The following PXT1 variants were observed in gnomAD, a reference collection of about 807,000 sequenced individuals.
PXT1 encodes peroxisomal testis-specific protein 1.
PXT1 carries 11 observed loss-of-function variants against 11.0 expected under a neutral mutation model. The observed-to-expected ratio is 1.00, with a 90% CI of 0.63 to 1.66. The LOEUF is 1.66. Ranked by LOEUF, PXT1 falls within the 40% of genes most tolerant of loss-of-function variation. The pLI, the probability that PXT1 is intolerant of heterozygous loss-of-function variation, is 0.00. For missense variants in PXT1, 141 were observed against 155.5 expected (o/e 0.91, Z 0.49); for synonymous variants, 43 against 51.4 (o/e 0.84, Z 0.70).
At chr6:36,436,355 A>C (rs1306559634) in intron 2 of PXT1, among the ~76,000 whole-genome samples, 1 of 152,222 alleles carries the variant, frequency 6.6e-6, no homozygotes, top group Non-Finnish European at 1.5e-5. Context: ...CACTGTAGTA[A>C]TTCAATAATC....
chr6:36,399,181 T>C (rs1311995572), intron 4 of PXT1, among the ~76,000 whole-genome samples: 1 of 152,014 alleles, frequency 6.6e-6, no homozygotes, highest in Admixed American at 6.6e-5. Flanking sequence ...AGTCTCACTC[T>C]GTCATCCAGA....
intron 3 of PXT1, among the ~76,000 whole-genome samples, chr6:36,418,079 C>T (rs1451864243): frequency 6.6e-6 from 1 of 151,966 alleles, no homozygotes; most frequent in African/African-American, 2.4e-5. Flanking sequence ...GCCTGTGGTC[C>T]CAGCTACTTG....
At chr6:36,409,969 AAAG>A (rs1266009107) in intron 3 of PXT1, among the ~76,000 whole-genome samples, 3,716 of 131,204 alleles carry the variant, frequency 0.028, 141 homozygotes, top group African/African-American at 0.098. Context: ...GAAAGAGAAA[AAAG>A]AAAGAAAGAA....
intron 3 of PXT1, among the ~76,000 whole-genome samples, chr6:36,423,657 C>T (rs1322889189): frequency 6.6e-6 from 1 of 152,194 alleles, no homozygotes; most frequent in African/African-American, 2.4e-5. Flanking sequence ...CCTCACACCG[C>T]CCCCTCATTC....
intron 3 of PXT1, among the ~76,000 whole-genome samples, chr6:36,412,162 G>T (rs1198536744): frequency 6.6e-6 from 1 of 151,708 alleles, no homozygotes; most frequent in Non-Finnish European, 1.5e-5. Flanking sequence ...GACCAGCCTG[G>T]CCAACATGGT....
At chr6:36,408,876 C>CA (rs61307954) in intron 3 of PXT1, among the ~76,000 whole-genome samples, 4,686 of 144,594 alleles carry the variant, frequency 0.032, 186 homozygotes, top group African/African-American at 0.097. Flanking sequence ...GACCATGTTT[C>CA]AAAAAAAAAA....
chr6:36,425,347 A>G lies in PXT1; in HGVS notation c.169+567T>C, dbSNP rs543113793. 3.3e-5 allele frequency among the ~76,000 whole-genome samples: 5 copies of G among 152,328 alleles called. No individual in the cohort carries two copies. In the South Asian group the frequency reaches 1.0e-3, roughly 32 times the overall value. On this transcript the variant is annotated intron_variant, in intron 3 of 4. Transcript: ENST00000454782. The stretch of plus-strand genomic sequence containing the variant: ...TTTGATCTATTTTAGCCCATTTGGG[A>G]TTACCTTAATTGGTCGTCACAGCAA...
intron 3 of PXT1, among the ~76,000 whole-genome samples, chr6:36,416,532 G>T (rs1774449149): frequency 6.6e-6 from 1 of 152,166 alleles, no homozygotes; most frequent in South Asian, 2.1e-4. Context: ...CTATCCTTCT[G>T]TAGGAAATGG....
At chr6:36,425,857 G>C in intron 3 of PXT1, 57 bp downstream of exon 3, 1 of 1,141,468 alleles carries the variant, frequency 8.8e-7, no homozygotes, top group Non-Finnish European at 1.2e-6. Context: ...GGTCTTAATA[G>C]CAAGAAAAAC....
chr6:36,424,796 T>C (rs1582266949), intron 3 of PXT1, among the ~76,000 whole-genome samples: 1 of 151,094 alleles, frequency 6.6e-6, no homozygotes, highest in African/African-American at 2.4e-5. Flanking sequence ...AGGTCAGGAG[T>C]CCAGCCTGGC....
chr6:36,419,249 G>A (rs1307953701), intron 3 of PXT1, among the ~76,000 whole-genome samples: 1 of 152,198 alleles, frequency 6.6e-6, no homozygotes, highest in Non-Finnish European at 1.5e-5. Context: ...AGGCCTGCCT[G>A]TGCCAATCAA....
intron 3 of PXT1, among the ~76,000 whole-genome samples, chr6:36,400,921 G>A (rs1210790777): frequency 6.6e-6 from 1 of 151,818 alleles, no homozygotes; most frequent in Non-Finnish European, 1.5e-5. Flanking sequence ...AGTGAGCCAA[G>A]ATTGCACCAT....
rs914221892 is a variant in PXT1 at position 36,438,779 on chromosome 6, G to C, written c.-22C>G. On this transcript the variant is annotated 5_prime_UTR_variant, in exon 2 of 5. Coordinates refer to ENST00000454782, the MANE Select transcript of PXT1 (RefSeq NM_152990.4). ...AGTTCAGACTTACTTTTCCAAGTAT[G>C]TTGAGCCCTCTTTATTTTCTGTATT... is the stretch of plus-strand genomic sequence containing the variant. The C allele has an allele frequency of 6.6e-6, 1 of 152,128 alleles. No individual in the cohort carries two copies. Among genetic ancestry groups the C allele is most frequent in the African/African-American group, 2.4e-5 (1 of 41,420 alleles). The allele number at this position is 152,128 out of a possible 1,614,324, so 9.4% of individuals were successfully genotyped here.
intron 3 of PXT1, among the ~76,000 whole-genome samples, chr6:36,417,482 T>C (rs1350325860): frequency 6.6e-6 from 1 of 150,956 alleles, no homozygotes; most frequent in Non-Finnish European, 1.5e-5. Flanking sequence ...AGGCCAGGCA[T>C]GGTGGCCCAC....
In PXT1 at chr6:36,426,257, C is replaced by T. The variant is rs191860020; in HGVS notation, c.-9-166G>A. Reference sequence around the variant, plus strand: ...CCAGAGTGATCCCTAAGGTCTTTTTCGATTTAGTTAAACATCTTTCTAGGC... The same window carrying T: ...CCAGAGTGATCCCTAAGGTCTTTTTTGATTTAGTTAAACATCTTTCTAGGC... On this transcript the variant is annotated intron_variant, in intron 2 of 4. Transcript: ENST00000454782. Among the ~76,000 whole-genome samples the T allele has an allele frequency of 1.8e-4, 27 of 150,524 alleles. No individual in the cohort carries two copies. The East Asian group carries it at 2.5e-3, about 14-fold the overall frequency.
At chr6:36,413,650 T>C (rs1292894325) in intron 3 of PXT1, among the ~76,000 whole-genome samples, 1 of 152,166 alleles carries the variant, frequency 6.6e-6, no homozygotes, top group Non-Finnish European at 1.5e-5. Context: ...AAAGATGTTA[T>C]AAACAATTAT....
At chr6:36,431,509 G>A (rs1041737336) in intron 2 of PXT1, among the ~76,000 whole-genome samples, 8 of 152,174 alleles carry the variant, frequency 5.3e-5, no homozygotes, top group African/African-American at 1.9e-4. Flanking sequence ...GCTCATGCCT[G>A]TAATCCCAAC....
At chr6:36,433,439 A>G (rs1387312071) in intron 2 of PXT1, among the ~76,000 whole-genome samples, 1 of 152,180 alleles carries the variant, frequency 6.6e-6, no homozygotes, top group African/African-American at 2.4e-5. Context: ...AGAAGATTCT[A>G]CAAGAAAACT....
chr6:36,417,743 C>T (rs1297249223), intron 3 of PXT1, among the ~76,000 whole-genome samples: 5 of 128,010 alleles, frequency 3.9e-5, no homozygotes, highest in East Asian at 4.6e-4. Flanking sequence ...ACTCCAGCCT[C>T]GGAGACACAG....
Sources: allele counts gnomAD v4.1 joint callset (sites outside exome capture counted in the v4.1 genomes callset), GRCh38; gene constraint gnomAD v4.1.1; transcripts MANE v1.5; gene names NCBI Gene and HGNC (gene_info 2026-07-23, HGNC 2026-07-21).